The following PDE5A variants were observed in gnomAD, a reference collection of about 807,000 sequenced individuals.
PDE5A encodes cGMP-specific 3',5'-cyclic phosphodiesterase.
Under a neutral mutation model 110.2 loss-of-function variants are expected in PDE5A, and 67 were observed. The observed-to-expected ratio is 0.61, with a 90% confidence interval of 0.50 to 0.75. PDE5A has a LOEUF of 0.75. Ranked by LOEUF, PDE5A falls within the 30% of genes least tolerant of loss-of-function variation. The pLI is 0.00. For missense variants in PDE5A, 862 were observed against 1,045.1 expected (o/e 0.82, Z 2.42); for synonymous variants, 328 against 351.2 (o/e 0.93, Z 0.74).
At chr4:119,592,198 G>A (rs1449157214) in intron 3 of PDE5A, among the ~76,000 whole-genome samples, 2 of 142,222 alleles carry the variant, frequency 1.4e-5, no homozygotes, top group Admixed American at 1.5e-4. Flanking sequence ...GCTCATGCCT[G>A]TAATCCCAGC....
intron 2 of PDE5A, among the ~76,000 whole-genome samples, chr4:119,600,135 A>G (rs1729291785): frequency 6.6e-6 from 1 of 152,042 alleles, no homozygotes; most frequent in South Asian, 2.1e-4. Flanking sequence ...GTCTAAAGAG[A>G]AAGATATTAA....
chr4:119,581,016 C>T lies in PDE5A; in HGVS notation c.832-13872G>A, dbSNP rs112407881. 5.3e-5 allele frequency among the ~76,000 whole-genome samples: 8 copies of T among 152,260 alleles called. No homozygotes were observed. In the East Asian group the frequency reaches 5.8e-4, roughly 11 times the overall value. On this transcript the variant is annotated intron_variant, in intron 3 of 20. Coordinates refer to ENST00000354960, the MANE Select transcript of PDE5A (RefSeq NM_001083.4). ...CTGCAAAGCATAGGCTTACCCCGGA[C>T]GGTGTTTTTGGATTTGGAGTCTGTT...
rs775226595 is a variant in PDE5A at position 119,525,676 on chromosome 4, G to A, written c.1652C>T (p.Ala551Val). The change falls in exon 12 of 21, where the codon GCC (alanine) becomes GTC (valine). Residue 551 changes from alanine to valine, a missense_variant. Transcript: ENST00000354960. The surrounding 1 kb of genome is among the most constrained non-coding windows in gnomAD (Gnocchi z 4.3). ...AAAGTCAGTAATTTTAAGGGTCTGG[G>A]CAGATGGCACCACAGCAGCCTTGGG... ...QSLAAAVVPS[A>V]QTLKITDFSF... 16 of 1,612,338 alleles carry A rather than the reference G, an allele frequency of 9.9e-6. 1 individual carries two copies. The South Asian group carries it at 1.6e-4, about 17-fold the overall frequency.
chr4:119,606,700 CCT>C lies in PDE5A; in HGVS notation c.741+7_741+8del, dbSNP rs762522924. On this transcript the variant is annotated splice_region_variant and intron_variant, in intron 2 of 20. Coordinates refer to ENST00000354960, the MANE Select transcript of PDE5A (RefSeq NM_001083.4). ...AGCACTGGTCCTGCTCTCATGCTCC[CCT>C]GTTTACCTCATATGCATCTTTGATG... The C allele has an allele frequency of 2.9e-5, 46 of 1,606,110 alleles. No individual in the cohort carries two copies. In the Admixed American group the frequency reaches 4.0e-4, roughly 14 times the overall value.
At chr4:119,580,751 A>G (rs780723349) in intron 3 of PDE5A, among the ~76,000 whole-genome samples, 4 of 152,266 alleles carry the variant, frequency 2.6e-5, no homozygotes, top group Non-Finnish European at 5.9e-5. Flanking sequence ...CTACAAAGTC[A>G]GACCTCTTTC....
intron 1 of PDE5A, chr4:119,628,084 G>C: frequency 1.0e-6 from 1 of 969,496 alleles, no homozygotes; most frequent in Non-Finnish European, 1.2e-6. Flanking sequence ...CCAGGGCGAG[G>C]GGGGACGGGG....
At chr4:119,513,711 T>C (rs1725822145) in intron 14 of PDE5A, among the ~76,000 whole-genome samples, 1 of 152,188 alleles carries the variant, frequency 6.6e-6, no homozygotes, top group African/African-American at 2.4e-5. Flanking sequence ...CAAAGTACTT[T>C]AAAGGCACAC....
chr4:119,574,124 C>T (rs891350006), intron 3 of PDE5A, among the ~76,000 whole-genome samples: 1 of 148,516 alleles, frequency 6.7e-6, no homozygotes, highest in Non-Finnish European at 1.5e-5. Context: ...AGCTACAATT[C>T]TTTCTACTAC....
chr4:119,547,454 G>T (rs1167466987), intron 9 of PDE5A, among the ~76,000 whole-genome samples: 1 of 151,186 alleles, frequency 6.6e-6, no homozygotes, highest in Non-Finnish European at 1.5e-5. Flanking sequence ...TTCTTCTCAT[G>T]TATATACTTA....
rs185824235 is a variant in PDE5A, at chr4:119,583,706, G to A, written c.831+12817C>T. Among the ~76,000 whole-genome samples the A allele has an allele frequency of 1.1e-4, 17 of 152,338 alleles. No individual in the cohort carries two copies. In the East Asian group the frequency reaches 3.3e-3, roughly 29 times the overall value. On this transcript the variant is annotated intron_variant, in intron 3 of 20. Transcript: ENST00000354960. ...ATACTGTTGTCTCTCAGGGAATAGG[G>A]AGGCCAAAGGAGAAGGAGAGAGACA...
intron 14 of PDE5A, among the ~76,000 whole-genome samples, chr4:119,517,583 A>T (rs1725957283): frequency 1.4e-5 from 2 of 143,744 alleles, no homozygotes; most frequent in Non-Finnish European, 1.5e-5. Context: ...TTTTCCCAGG[A>T]TGTTTTCTTT....
Position 119,542,510 on chromosome 4 carries a change from C to G in PDE5A, c.1521G>C (p.Gln507His), listed in dbSNP as rs750769569. The G allele has an allele frequency of 1.9e-6, 3 of 1,613,990 alleles. No individual in the cohort carries two copies. Among genetic ancestry groups the G allele is most frequent in the Non-Finnish European group, 2.5e-6 (3 of 1,179,928 alleles). ...TGGCTCTCTCCACTGCTTCATACAT[C>G]TGCGTGTTCTGGATCCCCAAGCCAC... The part of the protein sequence containing the change: ...IFCGLGIQNT[Q>H]MYEAVERAMA... The change falls in exon 10 of 21, where the codon CAG becomes CAC. Residue 507 changes from glutamine to histidine, a missense_variant. Physicochemically the swap from Gln to His is conservative, Grantham distance 24. Transcript: ENST00000354960.
chr4:119,523,220 G>A (rs1159868525), intron 12 of PDE5A, among the ~76,000 whole-genome samples: 1 of 152,006 alleles, frequency 6.6e-6, no homozygotes, highest in Non-Finnish European at 1.5e-5. Flanking sequence ...GGAATGAGAT[G>A]TAAAAGATAA....
chr4:119,505,656 C>A (rs940636558), intron 17 of PDE5A, among the ~76,000 whole-genome samples, 199 bp downstream of exon 17: 5 of 151,880 alleles, frequency 3.3e-5, no homozygotes, highest in African/African-American at 1.2e-4. Context: ...ACAGTTCATT[C>A]ACTTGGATTT....
At chr4:119,540,391 A>G (rs773449143) in intron 10 of PDE5A, among the ~76,000 whole-genome samples, 2 of 152,154 alleles carry the variant, frequency 1.3e-5, no homozygotes, top group Non-Finnish European at 2.9e-5. Context: ...CATTTGAACC[A>G]TTAGTCACTA....
At chr4:119,605,786 T>A (rs1236704521) in intron 2 of PDE5A, among the ~76,000 whole-genome samples, 1 of 152,196 alleles carries the variant, frequency 6.6e-6, no homozygotes, top group Non-Finnish European at 1.5e-5. Context: ...TTATTTTAAT[T>A]CAACCAATAT....
chr4:119,534,502 T>C (rs1726664726), intron 11 of PDE5A, among the ~76,000 whole-genome samples: 1 of 152,018 alleles, frequency 6.6e-6, no homozygotes, highest in African/African-American at 2.4e-5. Flanking sequence ...ATATCTCCAT[T>C]CCGCCCGCCC....
chr4:119,531,841 A>C (rs1336435152), intron 11 of PDE5A, among the ~76,000 whole-genome samples: 1 of 152,162 alleles, frequency 6.6e-6, no homozygotes, highest in Admixed American at 6.6e-5. Flanking sequence ...AGCACAAATA[A>C]GTCACATATT....
At chr4:119,539,148 G>T in intron 10 of PDE5A, 129 bp from the exon 11 acceptor site, 1 of 736,682 alleles carries the variant, frequency 1.4e-6, no homozygotes, top group Non-Finnish European at 2.4e-6. Flanking sequence ...GCCAAATCTT[G>T]TTTGCTGTTT....
Sources: gnomAD v4.1 joint callset for allele counts (sites outside exome capture counted in the v4.1 genomes callset) on GRCh38, gnomAD v4.1.1 for gene constraint, Gnocchi (gnomAD v3.1) non-coding constraint, MANE v1.5 for transcripts, NCBI Gene and HGNC (gene_info 2026-07-23, HGNC 2026-07-21) for gene names.